The following SH3RF2 variants were observed in gnomAD, a reference collection of about 807,000 sequenced individuals.
SH3RF2 encodes the protein SH3 domain containing ring finger 2.
In SH3RF2, 43 loss-of-function variants were observed where a neutral mutation model predicts 59.0. That is an observed-to-expected ratio of 0.73 (90% confidence interval 0.57 to 0.94). The LOEUF is 0.94. SH3RF2 is among the 40% of genes least tolerant of loss of function. The pLI, the probability that SH3RF2 is intolerant of heterozygous loss-of-function variation, is 0.00. For synonymous variants in SH3RF2, 391 were observed against 391.5 expected (o/e 1.00, Z 0.01); for missense variants, 930 against 940.1 (o/e 0.99, Z 0.14).
intron 7 of SH3RF2, 111 bp from the exon 8 acceptor site, chr5:146,055,870 G>C (rs1273619908): frequency 8.2e-7 from 1 of 1,220,596 alleles, no homozygotes; most frequent in African/African-American, 1.5e-5. Context: ...AAGGTGAGAA[G>C]TAGCCACATT....
At chr5:146,063,911 T>C (rs1278041579), downstream of SH3RF2, among the ~76,000 whole-genome samples, 1 of 152,060 alleles carries the variant, frequency 6.6e-6, no homozygotes, top group Non-Finnish European at 1.5e-5. Context: ...AACAACTTTA[T>C]ATGGGGTTGG....
At position 145,942,786 on chromosome 5, in the gene SH3RF2, A is replaced by G. The variant is rs549853216; in HGVS notation, c.378+4480A>G. On this transcript the variant is annotated intron_variant, in intron 2 of 9. Transcript: ENST00000359120. ...ACATTTACAAACATTTTTAATAACCACATGGCCCCACACTGGCACTGCCTT... is the reference window on the plus strand; with the variant it reads ...ACATTTACAAACATTTTTAATAACCGCATGGCCCCACACTGGCACTGCCTT... Among the ~76,000 whole-genome samples the G allele has an allele frequency of 7.9e-5, 12 of 152,296 alleles. No individual in the cohort carries two copies. The East Asian group carries it at 2.3e-3, about 29-fold the overall frequency.
chr5:145,958,620 T>G (rs1455907993), intron 2 of SH3RF2, among the ~76,000 whole-genome samples: 1 of 152,192 alleles, frequency 6.6e-6, no homozygotes, highest in African/African-American at 2.4e-5. Flanking sequence ...GTCCGATATC[T>G]TCTTATACAA....
intron 2 of SH3RF2, among the ~76,000 whole-genome samples, chr5:145,958,356 G>T (rs1758497741): frequency 1.3e-5 from 2 of 152,152 alleles, no homozygotes; most frequent in South Asian, 4.1e-4. Flanking sequence ...GAATTGAGGT[G>T]CAGTCAGGCC....
chr5:145,972,460 A>G (rs887417147), intron 2 of SH3RF2, among the ~76,000 whole-genome samples: 1 of 152,034 alleles, frequency 6.6e-6, no homozygotes, highest in African/African-American at 2.4e-5. Flanking sequence ...CACCACCACC[A>G]CTACCACCAC....
exon 10 of SH3RF2, chr5:146,081,227 C>T (rs1763421003): frequency 6.6e-6 from 1 of 151,952 alleles, no homozygotes; most frequent in Admixed American, 6.6e-5. Flanking sequence ...GTTATTGTCT[C>T]TCACTTCAAT....
At chr5:146,008,159 C>A (rs1760723387) in intron 4 of SH3RF2, among the ~76,000 whole-genome samples, 1 of 152,234 alleles carries the variant, frequency 6.6e-6, no homozygotes, top group Non-Finnish European at 1.5e-5. Flanking sequence ...ATGGAGCCTG[C>A]CTGGGTTATA....
At chr5:145,988,574 C>G (rs1372226644) in intron 2 of SH3RF2, among the ~76,000 whole-genome samples, 3 of 152,080 alleles carry the variant, frequency 2.0e-5, no homozygotes, top group African/African-American at 7.2e-5. Context: ...CAACATCCCA[C>G]TTGATTCTAA....
chr5:145,999,017 T>G (rs1760282731), intron 2 of SH3RF2, among the ~76,000 whole-genome samples: 1 of 110,076 alleles, frequency 9.1e-6, no homozygotes. Flanking sequence ...TTTAAAATAC[T>G]TTATTACTAA....
At chr5:146,026,473 C>T (rs1320234966) in intron 5 of SH3RF2, among the ~76,000 whole-genome samples, 2 of 152,098 alleles carry the variant, frequency 1.3e-5, no homozygotes, top group African/African-American at 2.4e-5. Context: ...GTATTATGTG[C>T]GTTAATTGGC....
At chr5:146,005,543 C>T (rs909420587) in intron 4 of SH3RF2, among the ~76,000 whole-genome samples, 14 of 152,152 alleles carry the variant, frequency 9.2e-5, no homozygotes, top group Non-Finnish European at 2.9e-5. Context: ...ACCTCCTCTA[C>T]TCCATCAGTG....
At chr5:146,081,026 C>CTTG (rs1006701141) in exon 10 of SH3RF2, 3 of 152,396 alleles carry the variant, frequency 2.0e-5, no homozygotes, top group Admixed American at 6.5e-5. Context: ...TCTCGATCTC[C>CTTG]TGACCTTGTG....
chr5:146,057,923 T>C (rs1056438785), intron 8 of SH3RF2, among the ~76,000 whole-genome samples: 3 of 150,768 alleles, frequency 2.0e-5, no homozygotes, highest in African/African-American at 7.4e-5. Context: ...GTCTGGGCTG[T>C]TAGTGTCTCT....
At chr5:146,063,325 G>A (rs1309812706), downstream of SH3RF2, 3 of 152,474 alleles carry the variant, frequency 2.0e-5, no homozygotes, top group Non-Finnish European at 2.9e-5. Context: ...AAGAAGGTCA[G>A]AGAGATCACT....
intron 5 of SH3RF2, among the ~76,000 whole-genome samples, chr5:146,021,981 T>C (rs1405314357): frequency 1.3e-5 from 2 of 152,242 alleles, no homozygotes; most frequent in African/African-American, 4.8e-5. Context: ...TTTTAAAACT[T>C]TTTAGCAGTC....
At chr5:145,949,937 G>A (rs1297895131) in intron 2 of SH3RF2, among the ~76,000 whole-genome samples, 2 of 152,080 alleles carry the variant, frequency 1.3e-5, no homozygotes, top group African/African-American at 4.8e-5. Flanking sequence ...GATATTCCTG[G>A]GATTCCTACC....
chr5:146,061,340 CATAGGGAAAGGT>C (rs1762883827), intron 9 of SH3RF2, among the ~76,000 whole-genome samples: 1 of 152,074 alleles, frequency 6.6e-6, no homozygotes, highest in Non-Finnish European at 1.5e-5. Context: ...GCTATCAGCT[CATAGGGAAAGGT>C]ATTGGAAAAA....
intron 9 of SH3RF2, among the ~76,000 whole-genome samples, chr5:146,060,900 A>G (rs997112292): frequency 6.6e-6 from 1 of 152,190 alleles, no homozygotes; most frequent in Non-Finnish European, 1.5e-5. Flanking sequence ...TCTCAATAAT[A>G]TCCTTGAAGC....
intron 2 of SH3RF2, among the ~76,000 whole-genome samples, chr5:145,976,046 A>G (rs2149965446): frequency 6.6e-6 from 1 of 152,364 alleles, no homozygotes; most frequent in South Asian, 2.1e-4. Flanking sequence ...CCAGTGAAGA[A>G]CCTTCTTTTG....
Sources: allele counts gnomAD v4.1 joint callset (sites outside exome capture counted in the v4.1 genomes callset), GRCh38; gene constraint gnomAD v4.1.1; transcripts MANE v1.5; gene names NCBI Gene and HGNC (gene_info 2026-07-23, HGNC 2026-07-21).